Variants in DCHS2 observed in about 807,000 individuals in gnomAD.
DCHS2 encodes the protein protocadherin-23.
A neutral mutation model predicts 182.4 loss-of-function variants in DCHS2; 142 were observed. The observed-to-expected ratio is 0.78, with a 90% CI of 0.68 to 0.89. DCHS2 has a LOEUF of 0.89. Ranked by LOEUF, DCHS2 falls within the 40% of genes least tolerant of loss-of-function variation. The probability of loss-of-function intolerance (pLI) is 0.00; values close to 1 mark genes in which losing one functional copy is unlikely to be tolerated. For missense variants in DCHS2, 4,319 were observed against 4,198.6 expected, an observed-to-expected ratio of 1.03 and a Z score of -0.79; for synonymous variants, 1,740 against 1,663.3, an observed-to-expected ratio of 1.05 and a Z score of -1.12.
intron 1 of DCHS2, among the ~76,000 whole-genome samples, chr4:154,390,097 T>G (rs1394053415): frequency 7.3e-6 from 1 of 136,104 alleles, no homozygotes; most frequent in Non-Finnish European, 1.7e-5. Context: ...TTTTTTATTT[T>G]TTTAAATTTT....
chr4:154,395,139 G>A (rs1189773674), intron 1 of DCHS2, among the ~76,000 whole-genome samples: 1 of 152,152 alleles, frequency 6.6e-6, no homozygotes, highest in African/African-American at 2.4e-5. Context: ...TTAGCCACTA[G>A]TGCAGAGAAG....
At position 154,235,941 on chromosome 4, in the gene DCHS2, G is replaced by A; in HGVS notation, c.8711C>T (p.Ala2904Val). 1 of 1,614,010 alleles carries A rather than the reference G, an allele frequency of 6.2e-7. No homozygotes were observed. The highest frequency in any genetic ancestry group is 1.1e-5 in the South Asian group (1 of 91,078). ...KDRQLIGRVE[A>V]SDADAGIDGV... is the part of the protein sequence containing the mutation. ...ATCAATACCAGCATCTGCATCTGAG[G>A]CTTCCACTCTGCCAATCAACTGTCT... The change falls in exon 20 of 20, where the codon GCC becomes GTC. Residue 2904 changes from alanine (A) to valine (V), a missense_variant. By Grantham distance (64) the Ala-to-Val change is moderately conservative. Coordinates refer to ENST00000357232, the MANE Select transcript of DCHS2 (RefSeq NM_001358235.2).
At chr4:154,301,443 A>G (rs1735190932) in intron 12 of DCHS2, among the ~76,000 whole-genome samples, 1 of 152,212 alleles carries the variant, frequency 6.6e-6, no homozygotes, top group Non-Finnish European at 1.5e-5. Context: ...ACAAAGAGAA[A>G]CAGCAACAGA....
At chr4:154,361,867 G>A (rs1484929412) in intron 3 of DCHS2, among the ~76,000 whole-genome samples, 1 of 151,862 alleles carries the variant, frequency 6.6e-6, no homozygotes, top group Admixed American at 6.6e-5. Context: ...GAAATCTTTT[G>A]TCTTCAGGAA....
At chr4:154,439,918 G>A (rs778694887) in intron 1 of DCHS2, among the ~76,000 whole-genome samples, 1 of 152,064 alleles carries the variant, frequency 6.6e-6, no homozygotes, top group Non-Finnish European at 1.5e-5. Context: ...ACTGAGGTTT[G>A]CCACATTGTA....
At chr4:154,354,438 C>T (rs1476000483) in intron 3 of DCHS2, among the ~76,000 whole-genome samples, 1 of 152,180 alleles carries the variant, frequency 6.6e-6, no homozygotes, top group Non-Finnish European at 1.5e-5. Context: ...TTATGTATAG[C>T]TCATCCTTTC....
At chr4:154,318,157 G>T (rs1578957174) in intron 9 of DCHS2, among the ~76,000 whole-genome samples, 1 of 151,760 alleles carries the variant, frequency 6.6e-6, no homozygotes, top group Middle Eastern at 3.4e-3. Flanking sequence ...TAACAAACAG[G>T]ACCATTAAAG....
At chr4:154,474,670 G>C (rs568208208) in intron 1 of DCHS2, among the ~76,000 whole-genome samples, 2 of 143,668 alleles carry the variant, frequency 1.4e-5, no homozygotes, top group African/African-American at 5.1e-5. Context: ...CAGGCTCCCC[G>C]ATCCCGGGCC....
intron 1 of DCHS2, among the ~76,000 whole-genome samples, chr4:154,482,944 A>T (rs944428186): frequency 1.3e-5 from 2 of 152,316 alleles, no homozygotes; most frequent in South Asian, 2.1e-4. Flanking sequence ...AAAGCGAATG[A>T]GGTTGTGGAA....
At chr4:154,409,744 G>A (rs1732544775) in intron 1 of DCHS2, among the ~76,000 whole-genome samples, 2 of 152,236 alleles carry the variant, frequency 1.3e-5, no homozygotes, top group South Asian at 4.2e-4. Flanking sequence ...TGTCAGACAT[G>A]ACACCAAGAG....
chr4:154,236,660 G>A lies in DCHS2; in HGVS notation c.7992C>T (p.Asn2664=), dbSNP rs202030719. The A allele has an allele frequency of 2.8e-5, 46 of 1,614,048 alleles. No individual in the cohort carries two copies. The highest frequency in any genetic ancestry group is 1.1e-4 in the South Asian group (10 of 91,080). The change falls in exon 20 of 20, where the codon AAC becomes AAT. Residue 2664 remains asparagine (N), a synonymous_variant. Transcript: ENST00000357232. ...QVLDVNDNPP[N]FSSLSYHTHV... is the part of the protein sequence containing the mutation. ...GGGTGTGATAGCTCAGGCTGCTGAAGTTTGGGGGATTGTCATTGACATCAA... is the reference window on the plus strand; with the variant it reads ...GGGTGTGATAGCTCAGGCTGCTGAAATTTGGGGGATTGTCATTGACATCAA...
chr4:154,491,270 C>A lies in DCHS2; in HGVS notation c.86G>T (p.Arg29Ile), dbSNP rs1438243432. Residue 29 changes from arginine (R) to isoleucine (I), a missense_variant, in exon 1 of 20, where the codon AGA becomes ATA. Physicochemically the swap from Arg to Ile is moderately conservative, Grantham distance 97. Transcript: ENST00000357232. ...VGKLLLLPGR[R>I]DTPHGRSGSS... ...GCCTGACCGCCCATGGGGTGTATCT[C>A]TCCTCCCGGGGAGCAGAAGGAGCTT... is the stretch of plus-strand genomic sequence containing the variant. 1.3e-6 allele frequency: 2 copies of A among 1,551,160 alleles called. No individual in the cohort carries two copies. The highest frequency in any genetic ancestry group is 2.4e-5 in the South Asian group (2 of 84,032).
At chr4:154,338,837 T>C (rs886740842) in intron 3 of DCHS2, among the ~76,000 whole-genome samples, 2 of 152,228 alleles carry the variant, frequency 1.3e-5, no homozygotes, top group Admixed American at 1.3e-4. Context: ...CGTGAGTCTA[T>C]GTTATCAATC....
chr4:154,390,451 A>T (rs1483325167), intron 1 of DCHS2, among the ~76,000 whole-genome samples: 1 of 151,834 alleles, frequency 6.6e-6, no homozygotes, highest in Non-Finnish European at 1.5e-5. Flanking sequence ...ACTGTAAGTA[A>T]CTGGCTGACT....
intron 1 of DCHS2, among the ~76,000 whole-genome samples, chr4:154,488,902 CTGTGT>C (rs1728684134): frequency 1.6e-5 from 1 of 62,254 alleles, no homozygotes; most frequent in East Asian, 5.0e-3. Flanking sequence ...GTGTGTGTGT[CTGTGT>C]GTGTGTGTGT....
chr4:154,259,688 A>T lies in DCHS2; in HGVS notation c.6646T>A (p.Leu2216Ile), dbSNP rs1399873989. 6.2e-7 allele frequency: 1 copy of T among 1,614,116 alleles called. No homozygotes were observed. The highest frequency in any genetic ancestry group is 1.7e-5 in the Admixed American group (1 of 60,012). Residue 2216 changes from leucine to isoleucine, a missense_variant, in exon 15 of 20, where the codon TTA becomes ATA. Coordinates refer to ENST00000357232, the MANE Select transcript of DCHS2 (RefSeq NM_001358235.2). Reference protein sequence around the residue: ...EVRNEVQLIVLAESSGHRAYC... With the variant: ...EVRNEVQLIVIAESSGHRAYC... ...GCTCTATGCCCACTACTTTCAGCTA[A>T]AACGATGAGTTGAACCTCATTTCTG...
At chr4:154,414,401 A>G (rs985539320) in intron 1 of DCHS2, among the ~76,000 whole-genome samples, 1 of 149,444 alleles carries the variant, frequency 6.7e-6, no homozygotes, top group Admixed American at 6.7e-5. Context: ...TCCTAGGTTG[A>G]GTTTCTAACA....
intron 1 of DCHS2, among the ~76,000 whole-genome samples, chr4:154,445,441 C>T (rs772391876): frequency 6.6e-6 from 1 of 151,984 alleles, no homozygotes; most frequent in Non-Finnish European, 1.5e-5. Flanking sequence ...ATAATTCGTT[C>T]TTCTTGCTCC....
chr4:154,237,353 A>G, intron 19 of DCHS2, 194 bp from the exon 20 acceptor site: 13 of 742,074 alleles, frequency 1.8e-5, no homozygotes, highest in Non-Finnish European at 2.5e-5. Flanking sequence ...AAGATACAGA[A>G]ATAATATTCA....
Sources: allele counts gnomAD v4.1 joint callset (sites outside exome capture counted in the v4.1 genomes callset), GRCh38; gene constraint gnomAD v4.1.1; transcripts MANE v1.5; gene names NCBI Gene and HGNC (gene_info 2026-07-23, HGNC 2026-07-21).